TAOK3: variants seen among roughly 807,000 people sequenced by gnomAD.
TAOK3 encodes the protein TAO kinase 3, also known as serine/threonine-protein kinase TAO3.
Under a neutral mutation model 120.4 loss-of-function variants are expected in TAOK3, and 40 were observed. That is an observed-to-expected ratio of 0.33 (90% CI 0.26 to 0.43). TAOK3 has a LOEUF of 0.43. TAOK3 is among the 20% of genes least tolerant of loss of function. The pLI is 1.00. For synonymous variants in TAOK3, 355 were observed against 387.5 expected (o/e 0.92, Z 0.99); for missense variants, 821 against 1,112.1 (o/e 0.74, Z 3.72).
chr12:118,314,389 G>C (rs980639268), intron 1 of TAOK3, among the ~76,000 whole-genome samples: 4 of 152,076 alleles, frequency 2.6e-5, no homozygotes, highest in African/African-American at 4.8e-5. Flanking sequence ...AAAAAATATT[G>C]AGTAATAACT....
intron 13 of TAOK3, 119 bp from the exon 14 acceptor site, chr12:118,190,060 C>T (rs1593102482): frequency 7.7e-7 from 1 of 1,305,596 alleles, no homozygotes; most frequent in Non-Finnish European, 1.1e-6. Flanking sequence ...GTTTAGCTCT[C>T]TGCTAGTCCC....
At chr12:118,174,128 T>G (rs1180941768) in intron 16 of TAOK3, among the ~76,000 whole-genome samples, 1 of 152,120 alleles carries the variant, frequency 6.6e-6, no homozygotes, top group Non-Finnish European at 1.5e-5. Context: ...TCACAAAAAT[T>G]TACTCCAAAA....
chr12:118,235,744 T>G (rs1356185512), intron 7 of TAOK3, 73 bp from the exon 8 acceptor site: 9 of 907,666 alleles, frequency 9.9e-6, no homozygotes, highest in Non-Finnish European at 1.7e-6. Context: ...AGCATGCAAT[T>G]AATAAGACAA....
intron 17 of TAOK3, among the ~76,000 whole-genome samples, chr12:118,163,630 G>C (rs1206107844): frequency 1.3e-5 from 2 of 151,786 alleles, no homozygotes; most frequent in Non-Finnish European, 2.9e-5. Context: ...AAAAGAGAGA[G>C]AGCAATGTTG....
chr12:118,202,773 CT>C lies in TAOK3; in HGVS notation c.820-1311del, dbSNP rs58282262. Among the ~76,000 whole-genome samples, 351 of 100,606 alleles carry C rather than the reference CT, an allele frequency of 3.5e-3. 2 individuals are homozygous for C. The highest frequency in any genetic ancestry group is 9.9e-3 in the African/African-American group (240 of 24,332). The allele number at this position is 100,606 out of a possible 152,430, so 66.0% of individuals were successfully genotyped here. On this transcript the variant is annotated intron_variant, in intron 11 of 20. Transcript: ENST00000392533. Reference sequence around the variant, plus strand: ...GAAGCAATGCATAGTATAGTCTATTCTTTTTTTTTTTTTTTTTTTTTTTTGA... The same window carrying C: ...GAAGCAATGCATAGTATAGTCTATTCTTTTTTTTTTTTTTTTTTTTTTTGA...
At chr12:118,198,075 C>G (rs1469596885) in intron 13 of TAOK3, among the ~76,000 whole-genome samples, 1 of 152,156 alleles carries the variant, frequency 6.6e-6, no homozygotes, top group African/African-American at 2.4e-5. Context: ...TTGCTTTCCT[C>G]AAATTGCTTC....
chr12:118,263,616 A>G (rs1486089718), intron 2 of TAOK3, among the ~76,000 whole-genome samples: 1 of 152,204 alleles, frequency 6.6e-6, no homozygotes, highest in Admixed American at 6.5e-5. Flanking sequence ...GATCCAGAAA[A>G]CATAAAGAAT....
At chr12:118,162,601 T>C (rs535572541) in intron 17 of TAOK3, among the ~76,000 whole-genome samples, 6 of 152,292 alleles carry the variant, frequency 3.9e-5, no homozygotes, top group African/African-American at 1.4e-4. Context: ...TACTCTGTTT[T>C]TGCATGAATC....
intron 13 of TAOK3, 84 bp from the exon 14 acceptor site, chr12:118,190,025 C>T: frequency 6.4e-7 from 1 of 1,558,276 alleles, no homozygotes; most frequent in Admixed American, 1.7e-5. Context: ...TCTTTCTGCA[C>T]AAGCACTGCT....
chr12:118,246,869 C>G (rs966140441), intron 3 of TAOK3: 13 of 1,272,534 alleles, frequency 1.0e-5, no homozygotes, highest in Non-Finnish European at 1.4e-5. Flanking sequence ...CTGTATTTAC[C>G]AAGTCTCCCT....
rs534003916 is a variant in TAOK3, at chr12:118,221,913, C to T, written c.644-7803G>A. Among the ~76,000 whole-genome samples, 176 of 152,042 alleles carry T rather than the reference C, an allele frequency of 1.2e-3. 1 individual carries two copies. The highest frequency in any genetic ancestry group is 3.9e-3 in the African/African-American group (160 of 41,480). ...CCTCCTAAAGTGCTGGGATTACAGG[C>T]GTGAGCCACTGCGCCTGGCAGAATA... On this transcript the variant is annotated intron_variant, in intron 9 of 20. Transcript: ENST00000392533.
chr12:118,183,056 T>G (rs764299198), intron 14 of TAOK3, among the ~76,000 whole-genome samples: 1 of 152,082 alleles, frequency 6.6e-6, no homozygotes, highest in Non-Finnish European at 1.5e-5. Flanking sequence ...AAATCTTAAT[T>G]CCAGGATTGT....
chr12:118,217,811 GTATACATATATATATATATATATA>G (rs1285013218), intron 9 of TAOK3, among the ~76,000 whole-genome samples: 32 of 75,384 alleles, frequency 4.2e-4, no homozygotes, highest in Admixed American at 6.4e-4. Flanking sequence ...GTGTGTGTGT[GTATACATATATATATATATATATA>G]TATATATATA....
intron 9 of TAOK3, among the ~76,000 whole-genome samples, chr12:118,220,461 G>C (rs1468489429): frequency 6.6e-6 from 1 of 151,676 alleles, no homozygotes; most frequent in Admixed American, 6.6e-5. Context: ...ACTAAGTCTC[G>C]GGGCTCATGA....
intron 15 of TAOK3, among the ~76,000 whole-genome samples, chr12:118,179,376 G>A (rs1418934139): frequency 1.3e-5 from 2 of 152,180 alleles, no homozygotes; most frequent in East Asian, 3.9e-4. Context: ...GCTTGAGCAG[G>A]CAGATCTGCT....
Position 118,351,564 on chromosome 12 carries a change from T to A in TAOK3, c.-194+21084A>T, listed in dbSNP as rs547162898. The stretch of plus-strand genomic sequence containing the variant: ...TAAAACATTTTGCATTTTAAAAGTT[T>A]TCATTTAGGTGTCCTATAAGCTTCT... On this transcript the variant is annotated intron_variant, in intron 1 of 20. Transcript: ENST00000392533. 3.9e-5 allele frequency among the ~76,000 whole-genome samples: 6 copies of A among 152,330 alleles called. No homozygotes were observed. In the South Asian group the frequency reaches 1.2e-3, roughly 32 times the overall value.
chr12:118,171,798 T>C (rs2036011356), intron 17 of TAOK3, among the ~76,000 whole-genome samples: 1 of 152,204 alleles, frequency 6.6e-6, no homozygotes, highest in Non-Finnish European at 1.5e-5. Flanking sequence ...CCAACTAATA[T>C]TGTTCTGCCC....
chr12:118,181,726 A>C, intron 14 of TAOK3, 119 bp from the exon 15 acceptor site: 1 of 815,446 alleles, frequency 1.2e-6, no homozygotes. Context: ...CAATTTACCT[A>C]CTGTTTAGTG....
In TAOK3 at chr12:118,153,148, T is replaced by A. The variant is rs535651580; in HGVS notation, c.2353-739A>T. ...TCTTCCCTGGCTGGTGGCTCACCTCTGTTATCTCAGCGCTTTGGGAGGCCA... is the reference window on the plus strand; with the variant it reads ...TCTTCCCTGGCTGGTGGCTCACCTCAGTTATCTCAGCGCTTTGGGAGGCCA... On this transcript the variant is annotated intron_variant, in intron 19 of 20. Transcript: ENST00000392533. Among the ~76,000 whole-genome samples the A allele has an allele frequency of 1.1e-4, 16 of 152,312 alleles. No homozygotes were observed. In the South Asian group the frequency reaches 3.3e-3, roughly 32 times the overall value.
Sources: allele counts gnomAD v4.1 joint callset (sites outside exome capture counted in the v4.1 genomes callset), GRCh38; gene constraint gnomAD v4.1.1; transcripts MANE v1.5; gene names NCBI Gene and HGNC (gene_info 2026-07-23, HGNC 2026-07-21).